The following CYP2B6 variants were observed in gnomAD, a reference collection of about 807,000 sequenced individuals.
The protein encoded by CYP2B6 is cytochrome P450 family 2 subfamily B member 6.
In CYP2B6, 35 loss-of-function variants were observed where a neutral mutation model predicts 43.4. The ratio of observed to expected loss-of-function variants is 0.81; its 90% CI spans 0.62 to 1.07. The LOEUF (loss-of-function observed/expected upper bound fraction) is 1.07. Ranked by LOEUF, CYP2B6 falls within the 50% of genes least tolerant of loss-of-function variation. The pLI, the probability that CYP2B6 is intolerant of heterozygous loss-of-function variation, is 0.00. For missense variants in CYP2B6, 624 were observed against 632.8 expected (o/e 0.99, Z 0.15); for synonymous variants, 239 against 239.2 (o/e 1.00, Z 0.01).
chr19:40,992,936 G>T (rs1002516277), intron 1 of CYP2B6, among the ~76,000 whole-genome samples: 1 of 152,084 alleles, frequency 6.6e-6, no homozygotes, highest in African/African-American at 2.4e-5. Flanking sequence ...TGTGGACTTG[G>T]GGGTATAGAT....
At chr19:41,001,102 G>C (rs1235783486) in intron 1 of CYP2B6, among the ~76,000 whole-genome samples, 1 of 152,126 alleles carries the variant, frequency 6.6e-6, no homozygotes, top group East Asian at 1.9e-4. Flanking sequence ...CTCAGCCTGG[G>C]GAAAGCATTT....
intron 1 of CYP2B6, among the ~76,000 whole-genome samples, chr19:40,995,337 T>A (rs1252405555): frequency 6.6e-6 from 1 of 152,110 alleles, no homozygotes; most frequent in Non-Finnish European, 1.5e-5. Context: ...AATGGAGAGA[T>A]GTGGATCCAA....
intron 1 of CYP2B6, 29 bp downstream of exon 1, chr19:40,991,505 G>T (rs1260800158): frequency 6.2e-7 from 1 of 1,611,710 alleles, no homozygotes. Context: ...GGGTCTGAGG[G>T]TGAGCTGCTT....
chr19:41,010,050 C>G lies in CYP2B6; in HGVS notation c.879C>G (p.Leu293=). 1.2e-6 allele frequency: 2 copies of G among 1,614,208 alleles called. No homozygotes were observed. The highest frequency in any genetic ancestry group is 1.7e-6 in the Non-Finnish European group (2 of 1,180,052). The change falls in exon 6 of 9, where the codon CTC becomes CTG. Residue 293 remains leucine, a synonymous_variant. Coordinates refer to ENST00000324071, the MANE Select transcript of CYP2B6 (RefSeq NM_000767.5). ...ACCAGAACCTCAACCTCAACACGCTCTCGCTCTTCTTTGCTGGCACTGAGA... is the reference window on the plus strand; with the variant it reads ...ACCAGAACCTCAACCTCAACACGCTGTCGCTCTTCTTTGCTGGCACTGAGA... ...FSHQNLNLNT[L]SLFFAGTETT...
At chr19:40,992,201 CAAAAAA>C (rs561830421) in intron 1 of CYP2B6, among the ~76,000 whole-genome samples, 209 of 62,590 alleles carry the variant, frequency 3.3e-3, no homozygotes, top group Non-Finnish European at 3.1e-3. Flanking sequence ...GACTCCTTCT[CAAAAAA>C]AAAAAAAAAA....
At chr19:41,006,325 ATTTTT>A (rs35039672) in intron 3 of CYP2B6, among the ~76,000 whole-genome samples, 2 of 118,538 alleles carry the variant, frequency 1.7e-5, no homozygotes, top group Admixed American at 9.3e-5. Flanking sequence ...GTCTAGCTAC[ATTTTT>A]TTTTTTTTTT....
intron 1 of CYP2B6, among the ~76,000 whole-genome samples, chr19:40,993,125 C>A (rs1487354196): frequency 6.6e-6 from 1 of 152,060 alleles, no homozygotes; most frequent in East Asian, 1.9e-4. Flanking sequence ...TAATTAAGGA[C>A]CAGAGCTTGC....
In CYP2B6 at chr19:41,009,330, C is replaced by G. The variant is rs565530668; in HGVS notation, c.757C>G (p.Arg253Gly). 6.2e-7 allele frequency: 1 copy of G among 1,610,144 alleles called. No homozygotes were observed. Among genetic ancestry groups the G allele is most frequent in the Non-Finnish European group, 8.5e-7 (1 of 1,177,414 alleles). The change falls in exon 5 of 9, where the codon CGT becomes GGT. Residue 253 changes from arginine to glycine, a missense_variant. By Grantham distance (125) the Arg-to-Gly change is moderately radical. Coordinates refer to ENST00000324071, the MANE Select transcript of CYP2B6 (RefSeq NM_000767.5). The part of the protein sequence containing the change: ...AYIGHSVEKH[R>G]ETLDPSAPKD... Reference sequence around the variant, plus strand: ...CATTGGCCACAGTGTGGAGAAGCACCGTGAAACCCTGGACCCCAGCGCCCC... The same window carrying G: ...CATTGGCCACAGTGTGGAGAAGCACGGTGAAACCCTGGACCCCAGCGCCCC...
At chr19:41,012,186 G>A in intron 6 of CYP2B6, 112 bp from the exon 7 acceptor site, 2 of 986,244 alleles carry the variant, frequency 2.0e-6, no homozygotes, top group Non-Finnish European at 3.1e-6. Flanking sequence ...CTGACCTCAA[G>A]GAATCCACCC....
At chr19:40,994,139 C>T (rs8192710) in intron 1 of CYP2B6, among the ~76,000 whole-genome samples, 99 of 152,124 alleles carry the variant, frequency 6.5e-4, no homozygotes, top group East Asian at 2.1e-3. Context: ...AACTTATCTT[C>T]GTCGATTTTG....
intron 1 of CYP2B6, among the ~76,000 whole-genome samples, chr19:41,002,688 A>G (rs1418462936): frequency 6.6e-6 from 1 of 152,082 alleles, no homozygotes; most frequent in East Asian, 1.9e-4. Flanking sequence ...AGCTGGGACT[A>G]CAGGTGAGAG....
At chr19:41,005,576 T>A (rs1251407096) in intron 3 of CYP2B6, among the ~76,000 whole-genome samples, 2 of 151,894 alleles carry the variant, frequency 1.3e-5, no homozygotes, top group Non-Finnish European at 1.5e-5. Flanking sequence ...AGGCCAGCAG[T>A]TCAAAACCAG....
rs1246023911 is a variant in CYP2B6, at chr19:41,012,197, A to G, written c.965-101A>G. The G allele has an allele frequency of 4.4e-5, 50 of 1,124,146 alleles. No individual in the cohort carries two copies. In the Middle Eastern group the frequency reaches 8.2e-4, roughly 18 times the overall value. 69.6% of individuals were successfully genotyped at this position (1,124,146 alleles called of 1,614,324 possible). A position where few individuals can be genotyped will look rare whatever the true frequency, so the allele number is the denominator to read the frequency against. ...ACTCCTGACCTCAAGGAATCCACCC[A>G]CCTCAACCTCCAAAATTGCTGGGAT... On this transcript the variant is annotated intron_variant, in intron 6 of 8. Coordinates refer to ENST00000324071, the MANE Select transcript of CYP2B6 (RefSeq NM_000767.5).
intron 1 of CYP2B6, among the ~76,000 whole-genome samples, chr19:41,003,249 G>A (rs1398513037): frequency 6.6e-6 from 1 of 152,016 alleles, no homozygotes; most frequent in Non-Finnish European, 1.5e-5. Context: ...CCCAGTGGAT[G>A]CCTGAAACCC....
intron 5 of CYP2B6, 193 bp from the exon 6 acceptor site, chr19:41,009,801 A>G: frequency 3.1e-6 from 2 of 645,498 alleles, no homozygotes; most frequent in Non-Finnish European, 5.5e-6. Context: ...CAGAGTTAGG[A>G]AGACTAAAGA....
chr19:41,009,752 G>A (rs773387624), intron 5 of CYP2B6: 132 of 601,722 alleles, frequency 2.2e-4, no homozygotes, highest in Middle Eastern at 2.0e-3. Flanking sequence ...GGGACAAAAA[G>A]AGAGAAACAC....
intron 1 of CYP2B6, among the ~76,000 whole-genome samples, chr19:40,997,371 A>G (rs1969013156): frequency 6.6e-6 from 1 of 152,092 alleles, no homozygotes; most frequent in African/African-American, 2.4e-5. Context: ...TAGAACACTG[A>G]CAATACCTTC....
At chr19:41,001,383 G>T (rs1253677075) in intron 1 of CYP2B6, among the ~76,000 whole-genome samples, 1 of 152,080 alleles carries the variant, frequency 6.6e-6, no homozygotes, top group Non-Finnish European at 1.5e-5. Context: ...ATCTCTTGGG[G>T]GTGGGGTAAA....
intron 1 of CYP2B6, among the ~76,000 whole-genome samples, chr19:40,995,547 A>G (rs1968987788): frequency 6.6e-6 from 1 of 152,226 alleles, no homozygotes; most frequent in South Asian, 2.1e-4. Context: ...CCGATGTGTC[A>G]TCAATGACTC....
Sources: allele counts gnomAD v4.1 joint callset (sites outside exome capture counted in the v4.1 genomes callset), GRCh38; gene constraint gnomAD v4.1.1; transcripts MANE v1.5; gene names NCBI Gene and HGNC (gene_info 2026-07-23, HGNC 2026-07-21).